The following HNF4A variants were observed in gnomAD, a reference collection of about 807,000 sequenced individuals.
HNF4A encodes hepatocyte nuclear factor 4-alpha.
In HNF4A, 15 loss-of-function variants were observed where a neutral mutation model predicts 52.4. The observed-to-expected ratio is 0.29, with a 90% CI of 0.19 to 0.44. The LOEUF (loss-of-function observed/expected upper bound fraction) is 0.44, where lower values mean the gene tolerates loss of function less well. Among genes scored for constraint, HNF4A ranks in the 20% least tolerant of loss-of-function variants. The pLI is 1.00. For missense variants in HNF4A, 479 were observed against 647.2 expected (o/e 0.74, Z 2.82); for synonymous variants, 280 against 264.4 (o/e 1.06, Z -0.57).
intron 1 of HNF4A, among the ~76,000 whole-genome samples, chr20:44,393,906 AG>A (rs1176225427): frequency 2.0e-5 from 3 of 152,094 alleles, no homozygotes; most frequent in Non-Finnish European, 4.4e-5. Context: ...AAATAGACAC[AG>A]GGTCTCACTA....
chr20:44,391,539 A>G (rs1265271199), intron 1 of HNF4A: 1 of 152,216 alleles, frequency 6.6e-6, no homozygotes. Flanking sequence ...AGGGGCATAA[A>G]CACAAGCTCT....
chr20:44,422,584 T>C (rs2063760891), intron 7 of HNF4A, among the ~76,000 whole-genome samples: 1 of 151,604 alleles, frequency 6.6e-6, no homozygotes, highest in African/African-American at 2.4e-5. Flanking sequence ...AGGCTAAGGA[T>C]CTAGAATTTA....
intron 1 of HNF4A, among the ~76,000 whole-genome samples, chr20:44,392,931 T>G (rs1237593556): frequency 6.6e-6 from 1 of 152,242 alleles, no homozygotes; most frequent in East Asian, 1.9e-4. Context: ...CTACCTGCCC[T>G]CTTGGCTGGA....
intron 1 of HNF4A, among the ~76,000 whole-genome samples, chr20:44,401,726 C>T (rs2063412494): frequency 1.3e-5 from 2 of 152,376 alleles, no homozygotes; most frequent in Admixed American, 1.3e-4. Flanking sequence ...TCGATCCCGG[C>T]TATTCCTCCC....
Position 44,428,483 on chromosome 20 carries a change from G to A in HNF4A, c.1278G>A (p.Gln426=), listed in dbSNP as rs1301738767. ...GTGAGTGGCCCCGACCCAGGGGACA[G>A]GCAGGTGGGCAAACTCTGGGATTTT... Residue 426 remains glutamine, a synonymous_variant, in exon 9 of 10, where the codon CAG becomes CAA. Coordinates refer to ENST00000316099, the MANE Select transcript of HNF4A (RefSeq NM_000457.6). 16 of 1,613,788 alleles carry A rather than the reference G, an allele frequency of 9.9e-6. No individual in the cohort carries two copies. Among genetic ancestry groups the A allele is most frequent in the Non-Finnish European group, 1.4e-5 (16 of 1,179,954 alleles).
At position 44,402,652 on chromosome 20, in the gene HNF4A, A is replaced by G. The variant is rs78904917; in HGVS notation, c.115+1165A>G. On this transcript the variant is annotated intron_variant, in intron 1 of 9. Transcript: ENST00000316099. ...ACAGTTCTCCACAGGGAGGTAGGGG[A>G]AAAGAGGAGGCCCGGAAACCCCTCC... is the stretch of plus-strand genomic sequence containing the variant. The G allele has an allele frequency of 2.9e-5, 39 of 1,349,616 alleles. No homozygotes were observed. In the East Asian group the frequency reaches 1.8e-3, roughly 61 times the overall value. The allele number at this position is 1,349,616 out of a possible 1,614,324, so 83.6% of individuals were successfully genotyped here.
At chr20:44,382,707 C>T (rs540452827) in intron 1 of HNF4A, among the ~76,000 whole-genome samples, 60 of 152,282 alleles carry the variant, frequency 3.9e-4, no homozygotes, top group African/African-American at 1.4e-3. Flanking sequence ...ATGATACATA[C>T]GACTGGGTTA....
At chr20:44,390,375 T>A in intron 1 of HNF4A, 1 of 484,894 alleles carries the variant, frequency 2.1e-6, no homozygotes, top group Non-Finnish European at 3.7e-6. Context: ...CAGACCACTG[T>A]GTCTCCCATT....
At chr20:44,363,647 C>A (rs1032305555) in intron 1 of HNF4A, among the ~76,000 whole-genome samples, 1 of 151,608 alleles carries the variant, frequency 6.6e-6, no homozygotes, top group Non-Finnish European at 1.5e-5. Context: ...CTGGCCCTGG[C>A]CCTGGGTAGC....
chr20:44,385,232 A>G (rs2063208859), intron 1 of HNF4A, among the ~76,000 whole-genome samples: 1 of 151,702 alleles, frequency 6.6e-6, no homozygotes, highest in Admixed American at 6.6e-5. Flanking sequence ...GGAGCCTCAC[A>G]CAGGGTTTGG....
At chr20:44,401,536 C>T in intron 1 of HNF4A, 1 of 1,608,928 alleles carries the variant, frequency 6.2e-7, no homozygotes, top group Non-Finnish European at 8.5e-7. Context: ...GCAGGTGTGC[C>T]TGGGTCCAGG....
intron 5 of HNF4A, among the ~76,000 whole-genome samples, chr20:44,416,776 C>A (rs2063671381): frequency 6.6e-6 from 1 of 152,182 alleles, no homozygotes; most frequent in Non-Finnish European, 1.5e-5. Flanking sequence ...TGCCAAATAT[C>A]TTCAGACAAA....
At chr20:44,391,779 A>G (rs1170830556) in intron 1 of HNF4A, among the ~76,000 whole-genome samples, 1 of 152,196 alleles carries the variant, frequency 6.6e-6, no homozygotes, top group Non-Finnish European at 1.5e-5. Context: ...CTTACATGCT[A>G]TCTGGTCTGT....
At chr20:44,407,688 C>T (rs1489727308) in intron 3 of HNF4A, among the ~76,000 whole-genome samples, 1 of 152,066 alleles carries the variant, frequency 6.6e-6, no homozygotes, top group Admixed American at 6.6e-5. Context: ...AGCTCCCACT[C>T]TTGGCTCCTC....
intron 1 of HNF4A, among the ~76,000 whole-genome samples, chr20:44,390,112 C>T (rs188559311): frequency 1.6e-4 from 25 of 152,206 alleles, no homozygotes; most frequent in Non-Finnish European, 3.1e-4. Context: ...AGTTTACAGT[C>T]GTGGAGGGAA....
chr20:44,398,636 T>A (rs891552241), upstream of HNF4A, among the ~76,000 whole-genome samples: 1 of 152,218 alleles, frequency 6.6e-6, no homozygotes, highest in African/African-American at 2.4e-5. Flanking sequence ...TGTGGTGGGA[T>A]GTGAATCTAG....
intron 1 of HNF4A, among the ~76,000 whole-genome samples, chr20:44,371,950 C>T (rs6073418): frequency 0.35 from 53,480 of 152,098 alleles, 9,583 homozygotes; most frequent in South Asian, 0.41. Context: ...TCTAATTTGC[C>T]GTAGTCCCCA....
intron 1 of HNF4A, among the ~76,000 whole-genome samples, chr20:44,403,479 GC>G (rs2146349187): frequency 6.6e-6 from 1 of 152,354 alleles, no homozygotes; most frequent in East Asian, 1.9e-4. Flanking sequence ...GCATCTGTAA[GC>G]AGGGTCCCCA....
intron 1 of HNF4A, among the ~76,000 whole-genome samples, chr20:44,388,381 A>ACCCCCCCCCCCCCCCCCCC (rs1227407354): frequency 2.6e-5 from 2 of 76,220 alleles, no homozygotes; most frequent in African/African-American, 9.5e-5. Flanking sequence ...GACCCCCCCC[A>ACCCCCCCCCCCCCCCCCCC]CCCCCGTACA....
Sources: allele counts gnomAD v4.1 joint callset (sites outside exome capture counted in the v4.1 genomes callset), GRCh38; gene constraint gnomAD v4.1.1; transcripts MANE v1.5; gene names NCBI Gene and HGNC (gene_info 2026-07-23, HGNC 2026-07-21).